Variants in FSTL5 observed in about 807,000 individuals in gnomAD.
FSTL5 encodes the protein follistatin like 5.
In FSTL5, 62 loss-of-function variants were observed where a neutral mutation model predicts 89.1. That is an observed-to-expected ratio of 0.70 (90% CI 0.57 to 0.86). The LOEUF (loss-of-function observed/expected upper bound fraction) is 0.86, where lower values mean the gene tolerates loss of function less well. Ranked by LOEUF, FSTL5 falls within the 40% of genes least tolerant of loss-of-function variation. The pLI, the probability that FSTL5 is intolerant of heterozygous loss-of-function variation, is 0.00. For synonymous variants in FSTL5, 383 were observed against 346.2 expected, an observed-to-expected ratio of 1.11 and a Z score of -1.18; for missense variants, 1,057 against 1,001.6, an observed-to-expected ratio of 1.06 and a Z score of -0.75.
At chr4:161,426,058 T>A (rs1323047829) in intron 15 of FSTL5, among the ~76,000 whole-genome samples, 1 of 152,130 alleles carries the variant, frequency 6.6e-6, no homozygotes, top group Non-Finnish European at 1.5e-5. Flanking sequence ...ATGAACATCT[T>A]CTAGTTAATA....
At chr4:161,829,674 C>T (rs1374283298) in intron 4 of FSTL5, among the ~76,000 whole-genome samples, 1 of 152,108 alleles carries the variant, frequency 6.6e-6, no homozygotes, top group East Asian at 1.9e-4. Flanking sequence ...ACCCTAACAG[C>T]AGGTGATTAC....
intron 3 of FSTL5, among the ~76,000 whole-genome samples, chr4:162,010,525 A>C (rs1736733681): frequency 6.6e-6 from 1 of 152,190 alleles, no homozygotes; most frequent in Non-Finnish European, 1.5e-5. Context: ...AACCATCACC[A>C]CAATCTGATT....
chr4:161,992,878 A>ATATATGTGTGTGTGTG (rs1736159956), intron 3 of FSTL5, among the ~76,000 whole-genome samples: 1 of 15,566 alleles, frequency 6.4e-5, no homozygotes, highest in African/African-American at 1.9e-4. Context: ...ATATATATAT[A>ATATATGTGTGTGTGTG]TATATATATA....
chr4:161,867,703 A>T (rs1482599657), intron 4 of FSTL5, among the ~76,000 whole-genome samples: 10 of 151,676 alleles, frequency 6.6e-5, no homozygotes, highest in Admixed American at 6.6e-4. Context: ...CTTTGATTCC[A>T]TAAACAAAGT....
chr4:161,993,332 AG>A (rs1172656561), intron 3 of FSTL5, among the ~76,000 whole-genome samples: 1 of 152,032 alleles, frequency 6.6e-6, no homozygotes, highest in African/African-American at 2.4e-5. Flanking sequence ...AGAAAGAAAA[AG>A]GTAAAATATT....
intron 15 of FSTL5, among the ~76,000 whole-genome samples, chr4:161,434,328 G>A (rs1257664881): frequency 6.6e-6 from 1 of 152,060 alleles, no homozygotes; most frequent in African/African-American, 2.4e-5. Flanking sequence ...TTCAATAAAT[G>A]GTTCTGGGAA....
At chr4:161,823,882 G>A (rs1730579487) in intron 4 of FSTL5, among the ~76,000 whole-genome samples, 1 of 152,156 alleles carries the variant, frequency 6.6e-6, no homozygotes. Context: ...TTGCTAATTT[G>A]TTTGAATTCC....
intron 3 of FSTL5, among the ~76,000 whole-genome samples, chr4:161,975,779 TA>T (rs1316386729): frequency 6.8e-6 from 1 of 146,626 alleles, no homozygotes; most frequent in Admixed American, 6.8e-5. Flanking sequence ...TAAAATAAAA[TA>T]AAATAAAATA....
chr4:162,135,847 A>AT (rs1732499755), intron 1 of FSTL5, among the ~76,000 whole-genome samples: 1 of 151,878 alleles, frequency 6.6e-6, no homozygotes. Flanking sequence ...AAATTTTTGG[A>AT]TTTTTTACTA....
chr4:162,133,054 T>TA (rs2111462209), intron 1 of FSTL5, among the ~76,000 whole-genome samples: 1 of 152,300 alleles, frequency 6.6e-6, no homozygotes, highest in South Asian at 2.1e-4. Flanking sequence ...GCCCTTCTCC[T>TA]ACCTCACTCA....
intron 15 of FSTL5, among the ~76,000 whole-genome samples, chr4:161,441,963 C>A (rs748013986): frequency 4.6e-5 from 7 of 152,146 alleles, no homozygotes; most frequent in Non-Finnish European, 8.8e-5. Flanking sequence ...TGAGCTAGTT[C>A]TTGCAAATGC....
chr4:161,463,609 T>C (rs1310495747), intron 13 of FSTL5, among the ~76,000 whole-genome samples: 1 of 152,200 alleles, frequency 6.6e-6, no homozygotes, highest in Non-Finnish European at 1.5e-5. Context: ...TTTTACAAAA[T>C]ACCTGCTCGT....
chr4:161,964,940 A>T (rs1197683478), intron 3 of FSTL5, among the ~76,000 whole-genome samples: 1 of 152,040 alleles, frequency 6.6e-6, no homozygotes. Context: ...TTGTTGGTTT[A>T]TCATTCCATT....
intron 6 of FSTL5, among the ~76,000 whole-genome samples, chr4:161,660,941 G>A (rs917288463): frequency 3.3e-5 from 5 of 151,972 alleles, no homozygotes; most frequent in African/African-American, 9.7e-5. Flanking sequence ...ACTTTAATTC[G>A]TGTGCATGTG....
chr4:161,640,034 G>C (rs1735895363), intron 7 of FSTL5, among the ~76,000 whole-genome samples: 1 of 152,086 alleles, frequency 6.6e-6, no homozygotes. Flanking sequence ...TTTACATACA[G>C]AGAAAACTAG....
intron 3 of FSTL5, among the ~76,000 whole-genome samples, chr4:162,014,252 C>A (rs893668861): frequency 6.6e-6 from 1 of 152,184 alleles, no homozygotes; most frequent in Non-Finnish European, 1.5e-5. Context: ...AAGAACAGAA[C>A]AGTTATTTGC....
chr4:161,406,113 C>T (rs4547755), intron 15 of FSTL5, among the ~76,000 whole-genome samples: 85,613 of 151,890 alleles, frequency 0.56, 24,408 homozygotes, highest in East Asian at 0.77. Context: ...CAAACTTATA[C>T]AATTCATGTA....
chr4:161,662,836 T>C (rs150104595), intron 6 of FSTL5, among the ~76,000 whole-genome samples: 96 of 152,246 alleles, frequency 6.3e-4, no homozygotes, highest in African/African-American at 2.1e-3. Flanking sequence ...ACGCTGATGA[T>C]AAAGACATAC....
intron 1 of FSTL5, among the ~76,000 whole-genome samples, chr4:162,126,411 G>C (rs1167368706): frequency 6.6e-6 from 1 of 152,032 alleles, no homozygotes; most frequent in African/African-American, 2.4e-5. Context: ...ATGATGAGAT[G>C]TCTCCTGTTA....
Sources: allele counts gnomAD v4.1 joint callset (sites outside exome capture counted in the v4.1 genomes callset), GRCh38; gene constraint gnomAD v4.1.1; transcripts MANE v1.5; gene names NCBI Gene and HGNC (gene_info 2026-07-23, HGNC 2026-07-21).